RTF2: variants seen among roughly 807,000 people sequenced by gnomAD.
The protein encoded by RTF2 is replication termination factor 2.
A neutral mutation model predicts 38.0 loss-of-function variants in RTF2; 18 were observed. The ratio of observed to expected loss-of-function variants is 0.47; its 90% CI spans 0.33 to 0.70. RTF2 has a LOEUF of 0.70. Ranked by LOEUF, RTF2 falls within the 30% of genes least tolerant of loss-of-function variation. RTF2 has a pLI of 0.02. For missense variants in RTF2, 311 were observed against 379.6 expected (o/e 0.82, Z 1.50); for synonymous variants, 126 against 137.1 (o/e 0.92, Z 0.57).
At chr20:56,504,264 C>T (rs973908063) in intron 5 of RTF2, 18 of 152,230 alleles carry the variant, frequency 1.2e-4, no homozygotes, top group African/African-American at 3.6e-4. Context: ...GCTTTTGCTT[C>T]TCTGAGTATT....
intron 5 of RTF2, chr20:56,496,794 T>C (rs1367799305): frequency 6.4e-7 from 1 of 1,552,082 alleles, no homozygotes; most frequent in South Asian, 1.2e-5. Context: ...AATGGTTAAG[T>C]TATGGGGTGG....
Position 56,468,629 on chromosome 20 carries a change from G to T in RTF2, c.-69G>T. 1 of 1,439,812 alleles carries T rather than the reference G, an allele frequency of 6.9e-7. No homozygotes were observed. Among genetic ancestry groups the T allele is most frequent in the African/African-American group, 1.4e-5 (1 of 70,936 alleles). The allele number at this position is 1,439,812 out of a possible 1,614,324, so 89.2% of individuals were successfully genotyped here. On this transcript the variant is annotated 5_prime_UTR_variant, in exon 1 of 9. Transcript: ENST00000357348. ...ACGGCGGTGCGCCGGAAGTGGCTGC[G>T]GATTTCGCCGGAAATCCCGGAAGTG...
chr20:56,516,735 A>T (rs928590046), intron 6 of RTF2, 200 bp from the exon 7 acceptor site: 1 of 615,602 alleles, frequency 1.6e-6, no homozygotes, highest in South Asian at 2.0e-5. Flanking sequence ...GTGAGGCAGA[A>T]GTGCATGACT....
chr20:56,515,502 G>A (rs982093354), intron 6 of RTF2, among the ~76,000 whole-genome samples: 1 of 152,068 alleles, frequency 6.6e-6, no homozygotes, highest in African/African-American at 2.4e-5. Flanking sequence ...AACTTGGGAG[G>A]CGGAGGTTGC....
At chr20:56,497,364 A>G in intron 5 of RTF2, 2 of 1,550,540 alleles carry the variant, frequency 1.3e-6, no homozygotes, top group East Asian at 2.4e-5. Flanking sequence ...TGGTGTGTGT[A>G]AATGAGCATG....
At chr20:56,486,926 G>C (rs1449544085) in intron 5 of RTF2, among the ~76,000 whole-genome samples, 1 of 152,114 alleles carries the variant, frequency 6.6e-6, no homozygotes, top group Non-Finnish European at 1.5e-5. Flanking sequence ...ACTGTGGGGT[G>C]GGGTACAGGA....
chr20:56,507,072 T>C (rs985501293), intron 5 of RTF2, among the ~76,000 whole-genome samples: 1 of 152,160 alleles, frequency 6.6e-6, no homozygotes, highest in Non-Finnish European at 1.5e-5. Context: ...AGGATGAAGA[T>C]ACAGTTTTAA....
intron 5 of RTF2, among the ~76,000 whole-genome samples, chr20:56,498,971 G>A (rs1411605090): frequency 2.6e-5 from 4 of 152,182 alleles, no homozygotes; most frequent in South Asian, 4.1e-4. Context: ...TAAACTCTGA[G>A]CCAACAAAAA....
rs1049142896 is a variant in RTF2 at position 56,472,945 on chromosome 20, G to A, written c.70-356G>A. 1.1e-4 allele frequency among the ~76,000 whole-genome samples: 16 copies of A among 152,162 alleles called. No homozygotes were observed. The East Asian group carries it at 3.1e-3, about 29-fold the overall frequency. ...ATTTGAGTCCAGGAGTTTGGGGGCA[G>A]CATGGCAAAACCACGTCTCTACAAA... is the stretch of plus-strand genomic sequence containing the variant. On this transcript the variant is annotated intron_variant, in intron 1 of 8. Coordinates refer to ENST00000357348, the MANE Select transcript of RTF2 (RefSeq NM_016407.5).
At chr20:56,500,669 G>A (rs907282968) in intron 5 of RTF2, among the ~76,000 whole-genome samples, 1 of 152,212 alleles carries the variant, frequency 6.6e-6, no homozygotes, top group African/African-American at 2.4e-5. Flanking sequence ...CTGTGGCCCA[G>A]TTAAATCTTC....
rs555363978 is a variant in RTF2 at position 56,469,364 on chromosome 20, C to T, written c.69+598C>T. 4.6e-5 allele frequency among the ~76,000 whole-genome samples: 7 copies of T among 152,224 alleles called. 2 individuals are homozygous for T. The highest frequency in any genetic ancestry group is 4.6e-4 in the Admixed American group (7 of 15,296). On this transcript the variant is annotated intron_variant, in intron 1 of 8. Coordinates refer to ENST00000357348, the MANE Select transcript of RTF2 (RefSeq NM_016407.5). ...ATGGTTCCTGGCACACTAAATATTTCGAATAAACAAATGAGTGAATAATCC... is the reference window on the plus strand; with the variant it reads ...ATGGTTCCTGGCACACTAAATATTTTGAATAAACAAATGAGTGAATAATCC...
chr20:56,474,406 G>A (rs1220884879), intron 2 of RTF2, among the ~76,000 whole-genome samples: 1 of 152,156 alleles, frequency 6.6e-6, no homozygotes, highest in African/African-American at 2.4e-5. Flanking sequence ...GCTTGAATCC[G>A]GGAGGCGGAG....
intron 5 of RTF2, among the ~76,000 whole-genome samples, chr20:56,508,519 C>G (rs1984426782): frequency 6.6e-6 from 1 of 152,148 alleles, no homozygotes; most frequent in Non-Finnish European, 1.5e-5. Flanking sequence ...CAGACCTTAT[C>G]TGGCATACTT....
At chr20:56,472,437 G>GCACTTTGGGA in intron 1 of RTF2, 1 of 1,361,082 alleles carries the variant, frequency 7.3e-7, no homozygotes, top group African/African-American at 1.4e-5. Flanking sequence ...TGTCATTCGA[G>GCACTTTGGGA]GGCCAGGGAG....
intron 5 of RTF2, chr20:56,497,480 T>C (rs1166925121): frequency 6.6e-7 from 1 of 1,504,924 alleles, no homozygotes; most frequent in South Asian, 1.2e-5. Flanking sequence ...AGCCACATTC[T>C]ACTACTTCTG....
At chr20:56,476,097 AG>A (rs1246993178) in intron 3 of RTF2, among the ~76,000 whole-genome samples, 1 of 152,232 alleles carries the variant, frequency 6.6e-6, no homozygotes, top group African/African-American at 2.4e-5. Flanking sequence ...GCAAAAGTAG[AG>A]TTACTGTATC....
At chr20:56,483,864 T>A (rs151309669) in intron 4 of RTF2, among the ~76,000 whole-genome samples, 1 of 152,328 alleles carries the variant, frequency 6.6e-6, no homozygotes, top group African/African-American at 2.4e-5. Context: ...AAATATTTCC[T>A]CCCTGAGTTC....
At chr20:56,506,992 G>C (rs978925396) in intron 5 of RTF2, among the ~76,000 whole-genome samples, 1 of 152,028 alleles carries the variant, frequency 6.6e-6, no homozygotes, top group Non-Finnish European at 1.5e-5. Flanking sequence ...GAGCCACCGC[G>C]CCTGGCCGTA....
chr20:56,511,933 A>C (rs1984699073), intron 5 of RTF2, among the ~76,000 whole-genome samples: 2 of 152,046 alleles, frequency 1.3e-5, no homozygotes, highest in South Asian at 4.1e-4. Context: ...CTCGGGTTCA[A>C]GCGATTCTCT....
Sources: gnomAD v4.1 joint callset for allele counts (sites outside exome capture counted in the v4.1 genomes callset) on GRCh38, gnomAD v4.1.1 for gene constraint, MANE v1.5 for transcripts, NCBI Gene and HGNC (gene_info 2026-07-23, HGNC 2026-07-21) for gene names.